The following PRKDC variants were observed in gnomAD, a reference collection of about 807,000 sequenced individuals.
The protein encoded by PRKDC is DNA-dependent protein kinase catalytic subunit.
A neutral mutation model predicts 486.9 loss-of-function variants in PRKDC; 82 were observed. The ratio of observed to expected loss-of-function variants is 0.17; its 90% CI spans 0.14 to 0.20. The LOEUF is 0.20. Ranked by LOEUF, PRKDC falls within the 10% of genes least tolerant of loss-of-function variation. PRKDC has a pLI of 1.00. For synonymous variants in PRKDC, 1,895 were observed against 1,837.0 expected (o/e 1.03, Z -0.81); for missense variants, 4,504 against 5,038.2 (o/e 0.89, Z 3.21).
intron 20 of PRKDC, 103 bp from the exon 21 acceptor site, chr8:47,927,456 T>C: frequency 7.6e-7 from 1 of 1,318,820 alleles, no homozygotes; most frequent in Non-Finnish European, 1.0e-6. Context: ...CTCCTTTTTA[T>C]TACTGGATGC....
At chr8:47,856,951 G>T (rs2088555477) in intron 49 of PRKDC, among the ~76,000 whole-genome samples, 2 of 152,186 alleles carry the variant, frequency 1.3e-5, no homozygotes, top group Admixed American at 6.5e-5. Context: ...TAAAAGCAAG[G>T]TCAGACGAAT....
intron 7 of PRKDC, among the ~76,000 whole-genome samples, chr8:47,950,248 G>A (rs1467977453): frequency 6.6e-6 from 1 of 151,194 alleles, no homozygotes; most frequent in African/African-American, 2.4e-5. Context: ...CTCCAGGCTG[G>A]GTGACAAGAG....
intron 58 of PRKDC, 23 bp from the exon 59 acceptor site, chr8:47,834,419 T>C (rs1338887087): frequency 6.2e-7 from 1 of 1,609,932 alleles, no homozygotes; most frequent in Non-Finnish European, 8.5e-7. Flanking sequence ...ATCAGAGAGG[T>C]CAGGCACTCA....
intron 46 of PRKDC, 55 bp from the exon 47 acceptor site, chr8:47,859,041 A>C: frequency 6.3e-7 from 1 of 1,589,864 alleles, no homozygotes; most frequent in Non-Finnish European, 8.6e-7. Flanking sequence ...TCAGTGGACA[A>C]GGCAGTGGAT....
chr8:47,958,692 C>A (rs959625328), intron 1 of PRKDC, among the ~76,000 whole-genome samples: 6 of 150,326 alleles, frequency 4.0e-5, no homozygotes, highest in Admixed American at 2.7e-4. Flanking sequence ...TTAATATATT[C>A]TTGACAACAG....
chr8:47,941,262 CCT>C (rs1231475368), intron 10 of PRKDC, among the ~76,000 whole-genome samples: 2 of 152,152 alleles, frequency 1.3e-5, no homozygotes, highest in Non-Finnish European at 2.9e-5. Context: ...GTCCTCTTTC[CCT>C]CTTTCTTCCT....
In PRKDC at chr8:47,852,670, C is replaced by CA; in HGVS notation, c.7005+2dup. 1 of 1,541,774 alleles carries CA rather than the reference C, an allele frequency of 6.5e-7. No homozygotes were observed. Among genetic ancestry groups the CA allele is most frequent in the Non-Finnish European group, 8.8e-7 (1 of 1,136,828 alleles). The stretch of plus-strand genomic sequence containing the variant: ...TTTATTGAAAATTGTGTAGCACACT[C>CA]ACGTTTTTTCTCTCCATAACATATC... On this transcript the variant is annotated splice_region_variant and intron_variant, in intron 52 of 85. Coordinates refer to ENST00000314191, the MANE Select transcript of PRKDC (RefSeq NM_006904.7).
In PRKDC at chr8:47,800,975, CGTT is replaced by C. The variant is rs1299927589; in HGVS notation, c.9931_9933del (p.Asn3311del). The C allele has an allele frequency of 6.2e-7, 1 of 1,613,536 alleles. No homozygotes were observed. The highest frequency in any genetic ancestry group is 1.7e-5 in the Admixed American group (1 of 59,974). ...ATATTTTTGCTTAAGTAGCTTGACA[CGTT>C]GTTCTCATCTGTTGGATTAAAAAAA... On this transcript the variant is annotated inframe_deletion, in exon 71 of 86. Coordinates refer to ENST00000314191, the MANE Select transcript of PRKDC (RefSeq NM_006904.7).
At chr8:47,955,836 G>T in intron 4 of PRKDC, 38 bp downstream of exon 4, 1 of 1,460,560 alleles carries the variant, frequency 6.8e-7, no homozygotes, top group Admixed American at 2.0e-5. Context: ...AAAGTTACAT[G>T]TTTAATGTAA....
intron 1 of PRKDC, among the ~76,000 whole-genome samples, chr8:47,958,728 T>C (rs1205202866): frequency 6.6e-6 from 1 of 151,794 alleles, no homozygotes; most frequent in Non-Finnish European, 1.5e-5. Flanking sequence ...GATACATGTA[T>C]ATAGCATCTT....
chr8:47,915,601 T>C (rs1010832662), intron 22 of PRKDC, among the ~76,000 whole-genome samples, 183 bp from the exon 23 acceptor site: 14 of 152,256 alleles, frequency 9.2e-5, no homozygotes, highest in African/African-American at 2.9e-4. Flanking sequence ...AGCTGTTTTA[T>C]GTAGGTCCTG....
In PRKDC at chr8:47,960,111, C is replaced by G; in HGVS notation, c.16G>C (p.Ala6Pro). The change falls in exon 1 of 86, where the codon GCC (alanine) becomes CCC (proline). Residue 6 changes from alanine to proline, a missense_variant. Transcript: ENST00000314191. MAGSGAGVRCSLLRLQ... is the reference protein window; with the variant it reads MAGSGPGVRCSLLRLQ... The stretch of plus-strand genomic sequence containing the variant: ...CGCAGCAGGGAGCAACGCACACCGG[C>G]TCCGGAGCCCGCCATGCCGCCGAGT... 6.6e-7 allele frequency: 1 copy of G among 1,504,626 alleles called. No individual in the cohort carries two copies. Among genetic ancestry groups the G allele is most frequent in the Non-Finnish European group, 8.8e-7 (1 of 1,131,052 alleles). 93.2% of individuals were successfully genotyped at this position (1,504,626 alleles called of 1,614,324 possible).
intron 25 of PRKDC, among the ~76,000 whole-genome samples, chr8:47,905,545 A>G (rs546759855): frequency 1.3e-5 from 2 of 152,336 alleles, no homozygotes; most frequent in Admixed American, 6.5e-5. Context: ...TACAAAGCAA[A>G]TAACAACCCT....
At chr8:47,889,281 G>A in intron 32 of PRKDC, 59 bp from the exon 33 acceptor site, 1 of 1,433,740 alleles carries the variant, frequency 7.0e-7, no homozygotes, top group Middle Eastern at 2.5e-4. Context: ...TTTCACCAAA[G>A]TGCAGGGCCC....
In PRKDC at chr8:47,794,618, A is replaced by T. The variant is rs1046058328; in HGVS notation, c.10459-117T>A. The stretch of plus-strand genomic sequence containing the variant: ...AAGTATAAAAACGCAAGTACAAAAC[A>T]AGTCTTCCATCCCCTAGCTCTCTTC... On this transcript the variant is annotated intron_variant, in intron 73 of 85. Coordinates refer to ENST00000314191, the MANE Select transcript of PRKDC (RefSeq NM_006904.7). 11 of 892,036 alleles carry T rather than the reference A, an allele frequency of 1.2e-5. No homozygotes were observed. The African/African-American group carries it at 1.7e-4, about 14-fold the overall frequency. 55.3% of individuals were successfully genotyped at this position (892,036 alleles called of 1,614,324 possible).
At chr8:47,792,300 C>T (rs2086895263) in intron 74 of PRKDC, among the ~76,000 whole-genome samples, 1 of 150,470 alleles carries the variant, frequency 6.6e-6, no homozygotes, top group Admixed American at 6.6e-5. Flanking sequence ...GCTCTGTCAC[C>T]CAGGCTGGAG....
At chr8:47,873,824 T>C (rs577056509) in intron 40 of PRKDC, among the ~76,000 whole-genome samples, 2 of 151,756 alleles carry the variant, frequency 1.3e-5, no homozygotes, top group East Asian at 3.9e-4. Context: ...ATTGAACTCA[T>C]GGAGATAGAG....
chr8:47,812,423 T>C (rs139655326), intron 68 of PRKDC, among the ~76,000 whole-genome samples: 3 of 152,328 alleles, frequency 2.0e-5, no homozygotes, highest in African/African-American at 7.2e-5. Context: ...ATCAAAATCA[T>C]ACAGAGGGTG....
At chr8:47,800,159 G>A (rs1240015505) in intron 71 of PRKDC, among the ~76,000 whole-genome samples, 2 of 152,032 alleles carry the variant, frequency 1.3e-5, no homozygotes, top group South Asian at 2.1e-4. Flanking sequence ...ACATGCACAC[G>A]TATGTTTATT....
Sources: allele counts gnomAD v4.1 joint callset (sites outside exome capture counted in the v4.1 genomes callset), GRCh38; gene constraint gnomAD v4.1.1; transcripts MANE v1.5; gene names NCBI Gene and HGNC (gene_info 2026-07-23, HGNC 2026-07-21).